The following DOCK11 variants were observed in gnomAD, a reference collection of about 807,000 sequenced individuals.
The protein encoded by DOCK11 is dedicator of cytokinesis protein 11.
In DOCK11, 70 loss-of-function variants were observed where a neutral mutation model predicts 169.1. That is an observed-to-expected ratio of 0.41 (90% CI 0.34 to 0.51). DOCK11 has a LOEUF of 0.51. Among genes scored for constraint, DOCK11 ranks in the 20% least tolerant of loss-of-function variants. The pLI, the probability that DOCK11 is intolerant of heterozygous loss-of-function variation, is 0.10. For missense variants in DOCK11, 1,166 were observed against 1,538.8 expected (o/e 0.76, Z 4.05); for synonymous variants, 529 against 541.3 (o/e 0.98, Z 0.32).
intron 5 of DOCK11, 57 bp from the exon 6 acceptor site, chrX:118,545,964 C>T (rs1363578083): frequency 1.6e-5 from 14 of 861,885 alleles, no homozygotes; most frequent in Non-Finnish European, 2.4e-5. Context: ...CTAAATGTTT[C>T]GCTAATTAGA....
chrX:118,567,432 A>ATT (rs746150692), intron 9 of DOCK11, among the ~76,000 whole-genome samples: 12 of 92,319 alleles, frequency 1.3e-4, no homozygotes, highest in African/African-American at 1.6e-4. Flanking sequence ...CTAATCTAGG[A>ATT]TTTTTTTTTT....
At chrX:118,636,273 A>G in intron 35 of DOCK11, 73 bp from the exon 36 acceptor site, 2 of 598,732 alleles carry the variant, frequency 3.3e-6, no homozygotes, top group Non-Finnish European at 5.1e-6. Context: ...GAAGCTACAT[A>G]GGACTTGGGG....
intron 29 of DOCK11, 40 bp downstream of exon 29, chrX:118,614,815 C>T (rs746479351): frequency 4.2e-6 from 4 of 948,875 alleles, no homozygotes; most frequent in East Asian, 6.2e-5. Flanking sequence ...TGTCAGACAT[C>T]TGAGCATAAG....
At chrX:118,668,873 A>C (rs1002101555) in intron 45 of DOCK11, among the ~76,000 whole-genome samples, 4 of 111,760 alleles carry the variant, frequency 3.6e-5, no homozygotes, top group Non-Finnish European at 5.6e-5. Flanking sequence ...AGCCTGAACA[A>C]AGACATAAAG....
intron 6 of DOCK11, 105 bp from the exon 7 acceptor site, chrX:118,561,278 C>T: frequency 5.2e-6 from 4 of 774,071 alleles, no homozygotes; most frequent in African/African-American, 4.3e-5. Context: ...GAAGATTGTC[C>T]AGGCACAATT....
chrX:118,643,651 A>G lies in DOCK11; in HGVS notation c.4398+57A>G, dbSNP rs765244716. The G allele has an allele frequency of 1.5e-4, 173 of 1,141,394 alleles. 1 individual carries two copies. In the African/African-American group the frequency reaches 2.9e-3, roughly 19 times the overall value. 94.1% of individuals were successfully genotyped at this position (1,141,394 alleles called of 1,213,427 possible). On this transcript the variant is annotated intron_variant, in intron 40 of 52. Transcript: ENST00000276202. Reference sequence around the variant, plus strand: ...GCTCTCTTCATTGCAAAAAGGAAAGATGGGACAATGGGGGTCATTGTGGTG... The same window carrying G: ...GCTCTCTTCATTGCAAAAAGGAAAGGTGGGACAATGGGGGTCATTGTGGTG...
intron 1 of DOCK11, among the ~76,000 whole-genome samples, chrX:118,512,190 C>T (rs1158588381): frequency 8.0e-5 from 9 of 112,353 alleles, no homozygotes; most frequent in Non-Finnish European, 1.1e-4. Context: ...CGTGAGCCAC[C>T]ATGCCCTGCT....
intron 44 of DOCK11, among the ~76,000 whole-genome samples, chrX:118,659,979 G>C (rs1235176803): frequency 9.0e-6 from 1 of 111,663 alleles, no homozygotes; most frequent in Non-Finnish European, 1.9e-5. Flanking sequence ...GGACCTAGCT[G>C]CCTGAGGCCT....
At chrX:118,660,750 G>A (rs1414339913) in intron 44 of DOCK11, among the ~76,000 whole-genome samples, 1 of 110,356 alleles carries the variant, frequency 9.1e-6, no homozygotes, top group Non-Finnish European at 1.9e-5. Context: ...GATTACAGGC[G>A]TGAGCCACCG....
rs199592075 is a variant in DOCK11 at position 118,561,286 on chromosome X, AT to A, written c.559-95del. 378 of 858,536 alleles carry A rather than the reference AT, an allele frequency of 4.4e-4. 3 individuals are homozygous for A. The African/African-American group carries it at 6.8e-3, about 15-fold the overall frequency. 70.8% of individuals were successfully genotyped at this position (858,536 alleles called of 1,213,427 possible). A position where few individuals can be genotyped will look rare whatever the true frequency, so the allele number is the denominator to read the frequency against. On this transcript the variant is annotated intron_variant, in intron 6 of 52. Coordinates refer to ENST00000276202, the MANE Select transcript of DOCK11 (RefSeq NM_144658.4). ...GTTGTCTGAAGATTGTCCAGGCACA[AT>A]TGCCTGGCAAGCTTTTGAGGTTTTT... is the stretch of plus-strand genomic sequence containing the variant.
intron 38 of DOCK11, 53 bp downstream of exon 38, chrX:118,639,630 TA>T (rs1396561854): frequency 8.8e-7 from 1 of 1,134,036 alleles, no homozygotes; most frequent in African/African-American, 1.8e-5. Flanking sequence ...AGTCCTGGTT[TA>T]AATAATAAAA....
In DOCK11 at chrX:118,566,165, C is replaced by A; in HGVS notation, c.854C>A (p.Thr285Lys). ...TDSLVQEKKE[T>K]VETAQDDETS... is the part of the protein sequence containing the mutation. ...AGTTTAGTTCAAGAAAAAAAGGAGA[C>A]GGTAGAAACAGCACAAGGTCAGAAT... Residue 285 changes from threonine to lysine, a missense_variant, in exon 8 of 53, where the codon ACG becomes AAG. By Grantham distance (78) the Thr-to-Lys change is moderately conservative. Coordinates refer to ENST00000276202, the MANE Select transcript of DOCK11 (RefSeq NM_144658.4). 1 of 1,200,174 alleles carries A rather than the reference C, an allele frequency of 8.3e-7. No individual in the cohort carries two copies. Among genetic ancestry groups the A allele is most frequent in the Non-Finnish European group, 1.1e-6 (1 of 890,430 alleles).
At chrX:118,528,525 T>G (rs1056412461) in intron 1 of DOCK11, among the ~76,000 whole-genome samples, 3 of 111,660 alleles carry the variant, frequency 2.7e-5, no homozygotes, top group African/African-American at 9.8e-5. Context: ...GACATAGTTT[T>G]GTCTGTGTCA....
At chrX:118,571,352 CT>C (rs377665685) in intron 10 of DOCK11, among the ~76,000 whole-genome samples, 74 of 102,694 alleles carry the variant, frequency 7.2e-4, no homozygotes, top group Middle Eastern at 4.9e-3. Flanking sequence ...CTGTGTTAAT[CT>C]TTTTTTTTTT....
At chrX:118,506,728 C>T (rs925919885) in intron 1 of DOCK11, among the ~76,000 whole-genome samples, 10 of 111,971 alleles carry the variant, frequency 8.9e-5, no homozygotes, top group African/African-American at 2.9e-4. Context: ...AAAGCTGTCT[C>T]GAGAAATTAT....
At chrX:118,500,756 G>A (rs1448919570) in intron 1 of DOCK11, among the ~76,000 whole-genome samples, 1 of 110,649 alleles carries the variant, frequency 9.0e-6, no homozygotes, top group African/African-American at 3.3e-5. Context: ...AAGTAGCTGG[G>A]ACTGCAGGCA....
chrX:118,542,518 G>T (rs866969876), intron 1 of DOCK11, among the ~76,000 whole-genome samples: 13 of 48,638 alleles, frequency 2.7e-4, no homozygotes, highest in East Asian at 9.5e-4. Context: ...GTGTGTGTGT[G>T]TTTGTGTGTG....
chrX:118,609,720 C>T (rs1190907942), intron 27 of DOCK11, among the ~76,000 whole-genome samples: 1 of 112,124 alleles, frequency 8.9e-6, no homozygotes, highest in Non-Finnish European at 1.9e-5. Flanking sequence ...TCAGACATAG[C>T]GCTTGCCCAT....
chrX:118,646,280 T>C (rs2015668685), intron 40 of DOCK11, among the ~76,000 whole-genome samples: 1 of 110,526 alleles, frequency 9.0e-6, no homozygotes, highest in African/African-American at 3.3e-5. Flanking sequence ...AACATACAAG[T>C]GGTAGTTGAA....
Sources: allele counts gnomAD v4.1 joint callset (sites outside exome capture counted in the v4.1 genomes callset), GRCh38; gene constraint gnomAD v4.1.1; transcripts MANE v1.5; gene names NCBI Gene and HGNC (gene_info 2026-07-23, HGNC 2026-07-21).